BTD: variants seen among roughly 807,000 people sequenced by gnomAD.
BTD encodes biotinidase.
Under a neutral mutation model 17.7 loss-of-function variants are expected in BTD, and 13 were observed. The observed-to-expected ratio is 0.74, with a 90% CI of 0.48 to 1.17. The LOEUF (loss-of-function observed/expected upper bound fraction) is 1.17, where lower values mean the gene tolerates loss of function less well. Ranked by LOEUF, BTD falls within the 50% of genes most tolerant of loss-of-function variation. The pLI, the probability that BTD is intolerant of heterozygous loss-of-function variation, is 0.00. For synonymous variants in BTD, 240 were observed against 245.2 expected, an observed-to-expected ratio of 0.98 and a Z score of 0.20; for missense variants, 674 against 650.4, an observed-to-expected ratio of 1.04 and a Z score of -0.39.
At chr3:15,602,193 C>G (rs778374315) in intron 1 of BTD, 443 of 1,386,818 alleles carry the variant, frequency 3.2e-4, no homozygotes, top group Non-Finnish European at 3.9e-4. Context: ...TGTACCCCAG[C>G]AAGAGATAAA....
intron 1 of BTD, among the ~76,000 whole-genome samples, chr3:15,628,658 C>T (rs1172262243): frequency 6.6e-6 from 1 of 152,146 alleles, no homozygotes; most frequent in Non-Finnish European, 1.5e-5. Context: ...GCTAGAAGTG[C>T]CCCCACCATT....
At chr3:15,602,064 A>G in intron 1 of BTD, 170 bp downstream of exon 1, 2 of 1,448,358 alleles carry the variant, frequency 1.4e-6, no homozygotes, top group South Asian at 1.5e-5. Flanking sequence ...CTGCTGTGCT[A>G]CCGCGTTGCG....
At position 15,631,185 on chromosome 3, in the gene BTD, C is replaced by T. The variant is rs943309387; in HGVS notation, c.-16-4239C>T. 1.4e-4 allele frequency among the ~76,000 whole-genome samples: 21 copies of T among 152,262 alleles called. 4 individuals are homozygous for T. Among genetic ancestry groups the T allele is most frequent in the Admixed American group, 2.6e-4 (4 of 15,294 alleles). ...CTACACATAGAAATGTATACTATGC[C>T]GGTTCCTAATGACTTAGCAGTTCCC... On this transcript the variant is annotated intron_variant, in intron 1 of 3. Coordinates refer to ENST00000643237, the MANE Select transcript of BTD (RefSeq NM_001370658.1).
intron 1 of BTD, among the ~76,000 whole-genome samples, chr3:15,617,894 CT>C (rs2125382006): frequency 6.6e-6 from 1 of 152,102 alleles, no homozygotes; most frequent in East Asian, 1.9e-4. Context: ...AGTTTTCTGA[CT>C]TCATTCTTCT....
chr3:15,709,170 A>G (rs2126039467), intron 3 of BTD, among the ~76,000 whole-genome samples: 1 of 152,300 alleles, frequency 6.6e-6, no homozygotes, highest in South Asian at 2.1e-4. Flanking sequence ...ATGTGTGGAT[A>G]TATGTGTGTG....
At position 15,653,225 on chromosome 3, in the gene BTD, T is replaced by G. The variant is rs1178512323; in HGVS notation, c.*7737T>G. ...TCTGGGAGTAGGGCCCATCAATCTG[T>G]GTTTAACAAGTCCTCCAGGTGATTC... On this transcript the variant is annotated 3_prime_UTR_variant, in exon 4 of 4. Coordinates refer to ENST00000643237, the MANE Select transcript of BTD (RefSeq NM_001370658.1). Among the ~76,000 whole-genome samples the G allele has an allele frequency of 6.6e-6, 1 of 152,250 alleles. No homozygotes were observed. Among genetic ancestry groups the G allele is most frequent in the Admixed American group, 6.5e-5 (1 of 15,286 alleles).
At chr3:15,704,963 T>C (rs1424708400) in intron 3 of BTD, among the ~76,000 whole-genome samples, 1 of 152,156 alleles carries the variant, frequency 6.6e-6, no homozygotes, top group East Asian at 1.9e-4. Flanking sequence ...CATTTAGTTT[T>C]CCCAGCAACT....
rs549801107 is a variant in BTD, at chr3:15,649,423, G to A, written c.*3935G>A. 6.6e-6 allele frequency among the ~76,000 whole-genome samples: 1 copy of A among 152,334 alleles called. No individual in the cohort carries two copies. Among genetic ancestry groups the A allele is most frequent in the African/African-American group, 2.4e-5 (1 of 41,576 alleles). On this transcript the variant is annotated 3_prime_UTR_variant, in exon 4 of 4. Transcript: ENST00000643237. ...AGACAGAGGGTGTTAGATGCCCAGA[G>A]GTGAACCTCATTGGGTACCATCCTG...
chr3:15,686,550 T>C, intron 3 of BTD: 3 of 510,740 alleles, frequency 5.9e-6, no homozygotes, highest in Non-Finnish European at 1.0e-5. Context: ...ACCCATGCCC[T>C]ATCATCTGCC....
At chr3:15,716,671 C>T (rs2126121634), downstream of BTD, among the ~76,000 whole-genome samples, 1 of 152,220 alleles carries the variant, frequency 6.6e-6, no homozygotes, top group African/African-American at 2.4e-5. Context: ...ACTAACTAAA[C>T]AACCCCCACA....
chr3:15,601,890 A>G lies in BTD; in HGVS notation c.-21A>G, dbSNP rs752826506. 1.2e-6 allele frequency: 2 copies of G among 1,613,866 alleles called. No individual in the cohort carries two copies. Among genetic ancestry groups the G allele is most frequent in the Admixed American group, 1.7e-5 (1 of 60,022 alleles). On this transcript the variant is annotated 5_prime_UTR_variant, in exon 1 of 4. Transcript: ENST00000643237. The stretch of plus-strand genomic sequence containing the variant: ...TATTCAGGGCGGAAGGCGCGCTAAG[A>G]GCAGGTACGGAGGGGGCGTGGTGCG...
intron 3 of BTD, among the ~76,000 whole-genome samples, chr3:15,677,871 C>A (rs2067111874): frequency 6.6e-6 from 1 of 152,086 alleles, no homozygotes; most frequent in African/African-American, 2.4e-5. Context: ...CAACAACACA[C>A]CAAGTAGATA....
At chr3:15,702,978 T>C (rs1310665324) in intron 3 of BTD, among the ~76,000 whole-genome samples, 2 of 152,330 alleles carry the variant, frequency 1.3e-5, no homozygotes, top group African/African-American at 4.8e-5. Context: ...AGTATCTCCA[T>C]TTCACAGATT....
At chr3:15,695,821 A>T (rs1396442070) in intron 3 of BTD, among the ~76,000 whole-genome samples, 1 of 152,268 alleles carries the variant, frequency 6.6e-6, no homozygotes, top group Non-Finnish European at 1.5e-5. Context: ...TATTTCTCAC[A>T]AAAGACACAG....
At position 15,653,479 on chromosome 3, in the gene BTD, C is replaced by T. The variant is rs1241771592; in HGVS notation, c.*7991C>T. Among the ~76,000 whole-genome samples the T allele has an allele frequency of 6.6e-6, 1 of 152,250 alleles. No individual in the cohort carries two copies. Among genetic ancestry groups the T allele is most frequent in the Non-Finnish European group, 1.5e-5 (1 of 68,044 alleles). ...GACTAATGCACAGCCAGTGTTTCAA[C>T]GTCGCCAACCCAGAAATGTTTTCTC... is the stretch of plus-strand genomic sequence containing the variant. On this transcript the variant is annotated 3_prime_UTR_variant, in exon 4 of 4. Coordinates refer to ENST00000643237, the MANE Select transcript of BTD (RefSeq NM_001370658.1).
downstream of BTD, chr3:15,713,725 G>T: frequency 1.2e-6 from 1 of 825,600 alleles, no homozygotes. Flanking sequence ...AAAAAATGCT[G>T]TTCACATACA....
rs2065812886 is a variant in BTD at position 15,652,019 on chromosome 3, C to T, written c.*6531C>T. On this transcript the variant is annotated 3_prime_UTR_variant, in exon 4 of 4. Transcript: ENST00000643237. ...TGGCAGATGCGATGGCATGTTACTT[C>T]TGAAATTGGGTTATAAAAGGTACTG... Among the ~76,000 whole-genome samples the T allele has an allele frequency of 6.6e-6, 1 of 152,136 alleles. No individual in the cohort carries two copies. Among genetic ancestry groups the T allele is most frequent in the Non-Finnish European group, 1.5e-5 (1 of 68,020 alleles).
In BTD at chr3:15,709,820, T is replaced by A. The variant is rs17041467; in HGVS notation, c.400-240T>A. 3.6e-3 allele frequency: 2,808 copies of A among 785,258 alleles called. 61 individuals carry two copies. The African/African-American group carries it at 0.043, about 12-fold the overall frequency. 48.6% of individuals were successfully genotyped at this position (785,258 alleles called of 1,614,324 possible). A position where few individuals can be genotyped will look rare whatever the true frequency, so the allele number is the denominator to read the frequency against. On this transcript the variant is annotated intron_variant, in intron 3 of 3. Coordinates refer to the BTD transcript ENST00000672141. ...GTAGGTTTAAAGAAGCATGAAAGCA[T>A]GTTTTTATATGAAGATAAATGTGAC...
downstream of BTD, among the ~76,000 whole-genome samples, chr3:15,715,506 C>T (rs1330826322): frequency 6.6e-6 from 1 of 152,098 alleles, no homozygotes; most frequent in African/African-American, 2.4e-5. Flanking sequence ...ATGAATTTTT[C>T]AAGTAAACAA....
Sources: allele counts gnomAD v4.1 joint callset (sites outside exome capture counted in the v4.1 genomes callset), GRCh38; gene constraint gnomAD v4.1.1; transcripts MANE v1.5; gene names NCBI Gene and HGNC (gene_info 2026-07-23, HGNC 2026-07-21).